TAFA2: variants seen among roughly 807,000 people sequenced by gnomAD.
TAFA2 encodes chemokine-like protein TAFA-2.
A neutral mutation model predicts 18.8 loss-of-function variants in TAFA2; 7 were observed. That is an observed-to-expected ratio of 0.37 (90% CI 0.21 to 0.70). The LOEUF is 0.70. TAFA2 is among the 30% of genes least tolerant of loss of function. The pLI, the probability that TAFA2 is intolerant of heterozygous loss-of-function variation, is 0.53. For synonymous variants in TAFA2, 60 were observed against 54.2 expected, an observed-to-expected ratio of 1.11 and a Z score of -0.47; for missense variants, 122 against 158.1, an observed-to-expected ratio of 0.77 and a Z score of 1.23.
chr12:61,881,284 A>G (rs1018297083), intron 1 of TAFA2, among the ~76,000 whole-genome samples: 3 of 152,140 alleles, frequency 2.0e-5, no homozygotes, highest in Admixed American at 2.0e-4. Flanking sequence ...ATCATTGGGC[A>G]ATTTTAATGT....
intron 2 of TAFA2, among the ~76,000 whole-genome samples, chr12:61,859,216 G>A (rs764306982): frequency 1.3e-5 from 2 of 152,166 alleles, no homozygotes; most frequent in Non-Finnish European, 2.9e-5. Context: ...GGACCAGGAC[G>A]GAGTGAGTGC....
intron 1 of TAFA2, among the ~76,000 whole-genome samples, chr12:62,014,773 T>C (rs1880876360): frequency 6.6e-6 from 1 of 152,216 alleles, no homozygotes; most frequent in Non-Finnish European, 1.5e-5. Context: ...TATCAAGTAT[T>C]GTGCTAGACT....
At chr12:62,251,542 T>C (rs2062913715) in intron 1 of TAFA2, among the ~76,000 whole-genome samples, 1 of 152,212 alleles carries the variant, frequency 6.6e-6, no homozygotes, top group African/African-American at 2.4e-5. Flanking sequence ...CCAAGTGCCC[T>C]GAAAGCAGAC....
chr12:61,913,242 G>T (rs1400120190), intron 1 of TAFA2, among the ~76,000 whole-genome samples: 1 of 151,900 alleles, frequency 6.6e-6, no homozygotes, highest in Non-Finnish European at 1.5e-5. Flanking sequence ...AGGGAAAGAA[G>T]GTGTTAGAAA....
chr12:62,023,755 C>T (rs1881223168), intron 1 of TAFA2: 1 of 152,008 alleles, frequency 6.6e-6, no homozygotes, highest in Non-Finnish European at 1.5e-5. Context: ...ACTGCATCTA[C>T]TCCTTACAGT....
intron 1 of TAFA2, among the ~76,000 whole-genome samples, chr12:61,971,019 A>G (rs1879229588): frequency 6.6e-6 from 1 of 151,684 alleles, no homozygotes; most frequent in Non-Finnish European, 1.5e-5. Context: ...AAAAAGTTAT[A>G]AGATATAGCA....
chr12:61,806,499 T>C (rs1460374108), intron 2 of TAFA2, among the ~76,000 whole-genome samples: 2 of 152,216 alleles, frequency 1.3e-5, no homozygotes, highest in African/African-American at 2.4e-5. Flanking sequence ...AACAGACTAA[T>C]ACCATAAATT....
At chr12:62,230,913 C>T (rs1235176319) in intron 1 of TAFA2, among the ~76,000 whole-genome samples, 2 of 152,128 alleles carry the variant, frequency 1.3e-5, no homozygotes, top group African/African-American at 2.4e-5. Context: ...TGGGCTCAAG[C>T]GATCCTCCTT....
intron 1 of TAFA2, among the ~76,000 whole-genome samples, chr12:61,932,124 A>G (rs1006526586): frequency 2.0e-5 from 3 of 152,238 alleles, no homozygotes; most frequent in Non-Finnish European, 2.9e-5. Context: ...TAGTATTCAT[A>G]AATGAAAAGC....
intron 1 of TAFA2, among the ~76,000 whole-genome samples, chr12:62,101,815 C>T (rs1021999036): frequency 6.6e-6 from 1 of 152,056 alleles, no homozygotes; most frequent in Non-Finnish European, 1.5e-5. Context: ...GTAGCACTAG[C>T]CAATGGTATA....
chr12:61,841,982 T>C (rs17125409), intron 2 of TAFA2, among the ~76,000 whole-genome samples: 3,097 of 152,128 alleles, frequency 0.02, 85 homozygotes, highest in African/African-American at 0.069. Context: ...CAAACCGTCA[T>C]GATTGGAGTT....
intron 4 of TAFA2, among the ~76,000 whole-genome samples, chr12:61,728,114 A>C (rs1870260559): frequency 6.7e-6 from 1 of 149,798 alleles, no homozygotes. Context: ...GATTTTCTTA[A>C]ATTTATTGAG....
In TAFA2 at chr12:62,076,749, G is replaced by A. The variant is rs190063771; in HGVS notation, c.-2+114510C>T. On this transcript the variant is annotated intron_variant, in intron 1 of 4. Transcript: ENST00000416284. ...AATTACCCAACAGTTCTATTGCTAT[G>A]CACACAAAGCACAAGGAAGAAAGAT... Among the ~76,000 whole-genome samples the A allele has an allele frequency of 3.7e-3, 560 of 152,280 alleles. 4 individuals carry two copies. Among genetic ancestry groups the A allele is most frequent in the Admixed American group, 8.7e-3 (133 of 15,300 alleles).
intron 1 of TAFA2, among the ~76,000 whole-genome samples, chr12:62,043,548 G>A (rs1418669782): frequency 3.3e-5 from 5 of 151,948 alleles, no homozygotes; most frequent in Non-Finnish European, 5.9e-5. Context: ...CACCAACATG[G>A]CACATGTATA....
chr12:62,159,977 C>T (rs1462081476), intron 1 of TAFA2, among the ~76,000 whole-genome samples: 2 of 152,188 alleles, frequency 1.3e-5, no homozygotes, highest in East Asian at 3.9e-4. Flanking sequence ...GCCCCTGCTA[C>T]TCTATGTATT....
Position 61,982,876 on chromosome 12 carries a change from C to CAA in TAFA2, c.-1-115452_-1-115451dup, listed in dbSNP as rs3031097. ...TATATTCCCACCAGCAAGTGGAAGG[C>CAA]AAAAAAAAAAAAAAAAAAGTTACTT... On this transcript the variant is annotated intron_variant, in intron 1 of 4. Transcript: ENST00000416284. 2.5e-4 allele frequency among the ~76,000 whole-genome samples: 25 copies of CAA among 101,606 alleles called. 1 individual carries two copies. Among genetic ancestry groups the CAA allele is most frequent in the South Asian group, 3.9e-4 (1 of 2,586 alleles). The allele number at this position is 101,606 out of a possible 152,430, so 66.7% of individuals were successfully genotyped here.
intron 2 of TAFA2, among the ~76,000 whole-genome samples, chr12:61,857,893 A>C (rs897925826): frequency 6.6e-6 from 1 of 152,198 alleles, no homozygotes; most frequent in Non-Finnish European, 1.5e-5. Context: ...CCAGGGGAAA[A>C]AAAAGAGACC....
At chr12:62,194,792 T>C (rs912848285), upstream of TAFA2, among the ~76,000 whole-genome samples, 3 of 152,202 alleles carry the variant, frequency 2.0e-5, no homozygotes, top group African/African-American at 7.2e-5. Context: ...CAGGTTTGGT[T>C]CCAAACCACC....
At chr12:61,887,143 T>C (rs1227736423) in intron 1 of TAFA2, among the ~76,000 whole-genome samples, 1 of 152,184 alleles carries the variant, frequency 6.6e-6, no homozygotes, top group Non-Finnish European at 1.5e-5. Context: ...GAAGACCAAG[T>C]AGGGAAATCA....
Sources: allele counts gnomAD v4.1 joint callset (sites outside exome capture counted in the v4.1 genomes callset), GRCh38; gene constraint gnomAD v4.1.1; transcripts MANE v1.5; gene names NCBI Gene and HGNC (gene_info 2026-07-23, HGNC 2026-07-21).